The following CMIP variants were observed in gnomAD, a reference collection of about 807,000 sequenced individuals.
CMIP encodes C-Maf-inducing protein.
In CMIP, 13 loss-of-function variants were observed where a neutral mutation model predicts 97.3. That is an observed-to-expected ratio of 0.13 (90% CI 0.09 to 0.21). The LOEUF (loss-of-function observed/expected upper bound fraction) is 0.21, where lower values mean the gene tolerates loss of function less well. Among genes scored for constraint, CMIP ranks in the 10% least tolerant of loss-of-function variants. The pLI, the probability that CMIP is intolerant of heterozygous loss-of-function variation, is 1.00. For synonymous variants in CMIP, 538 were observed against 436.3 expected (o/e 1.23, Z -2.91); for missense variants, 847 against 1,024.9 (o/e 0.83, Z 2.37).
At chr16:81,692,006 C>G (rs995758286) in intron 11 of CMIP, among the ~76,000 whole-genome samples, 166 bp downstream of exon 11, 1 of 152,104 alleles carries the variant, frequency 6.6e-6, no homozygotes, top group Non-Finnish European at 1.5e-5. Context: ...CTGTGGGACC[C>G]CTGGGGAGGC....
chr16:81,624,439 A>G (rs2150964659), intron 3 of CMIP, among the ~76,000 whole-genome samples: 1 of 151,238 alleles, frequency 6.6e-6, no homozygotes, highest in East Asian at 2.0e-4. Context: ...GTTCTCCTGT[A>G]TGTAAAGAAT....
chr16:81,497,120 C>T (rs762539793), intron 1 of CMIP, among the ~76,000 whole-genome samples: 1 of 152,176 alleles, frequency 6.6e-6, no homozygotes, highest in Non-Finnish European at 1.5e-5. Flanking sequence ...GCTGGTGGTG[C>T]CCATGCAACA....
At chr16:81,466,051 T>G (rs1474907155) in intron 1 of CMIP, among the ~76,000 whole-genome samples, 1 of 152,170 alleles carries the variant, frequency 6.6e-6, no homozygotes, top group Non-Finnish European at 1.5e-5. Flanking sequence ...TTGTTTTTTT[T>G]TTACTTTTTA....
chr16:81,464,397 C>T (rs1907076309), intron 1 of CMIP: 1 of 152,168 alleles, frequency 6.6e-6, no homozygotes, highest in Admixed American at 6.5e-5. Flanking sequence ...GAGAGACTGC[C>T]CCAGTCGCTG....
intron 1 of CMIP, chr16:81,464,841 T>A (rs1241476880): frequency 1.3e-5 from 2 of 152,230 alleles, no homozygotes; most frequent in East Asian, 3.8e-4. Context: ...TTATGTCACT[T>A]AGTGTGAGGT....
intron 1 of CMIP, among the ~76,000 whole-genome samples, chr16:81,450,748 T>C (rs1906155873): frequency 6.6e-6 from 1 of 152,236 alleles, no homozygotes; most frequent in Admixed American, 6.5e-5. Context: ...GGGCGTAGTC[T>C]AGTTTCTTAA....
intron 1 of CMIP, among the ~76,000 whole-genome samples, chr16:81,526,553 T>TA (rs779519547): frequency 2.3e-4 from 35 of 152,376 alleles, no homozygotes; most frequent in Non-Finnish European, 3.7e-4. Context: ...GGGGATCTGT[T>TA]ACTCCATTGG....
intron 1 of CMIP, among the ~76,000 whole-genome samples, chr16:81,599,546 C>T (rs2091622424): frequency 1.3e-5 from 2 of 152,206 alleles, no homozygotes; most frequent in African/African-American, 4.8e-5. Context: ...CTGGTTCCAG[C>T]TGTGGCTTTG....
chr16:81,671,898 C>G, intron 8 of CMIP, 68 bp from the exon 9 acceptor site: 1 of 763,018 alleles, frequency 1.3e-6, no homozygotes, highest in South Asian at 1.7e-5. Flanking sequence ...CCCTCCCTTT[C>G]CCCCCTTACC....
rs138382107 is a variant in CMIP at position 81,710,611 on chromosome 16, CGTCTGTCT to C, written c.*822_*829del. 1.3e-5 allele frequency: 2 copies of C among 152,166 alleles called. No individual in the cohort carries two copies. Among genetic ancestry groups the C allele is most frequent in the African/African-American group, 4.8e-5 (2 of 41,378 alleles). The allele number at this position is 152,166 out of a possible 1,614,324, so 9.4% of individuals were successfully genotyped here. A position where few individuals can be genotyped will look rare whatever the true frequency, so the allele number is the denominator to read the frequency against. On this transcript the variant is annotated 3_prime_UTR_variant, in exon 21 of 21. Transcript: ENST00000537098. ...TGGATTCTCTATGCTAATGCTCTCT[CGTCTGTCT>C]GTCTGTCTGCCCACTCCCCCACCCA...
At chr16:81,448,618 G>C (rs1057027389) in intron 1 of CMIP, among the ~76,000 whole-genome samples, 1 of 152,226 alleles carries the variant, frequency 6.6e-6, no homozygotes, top group Non-Finnish European at 1.5e-5. Context: ...TGGTCTCCTG[G>C]GCCAGTTACT....
chr16:81,705,466 C>T (rs1252902934), intron 18 of CMIP, 33 bp from the exon 19 acceptor site: 23 of 1,477,048 alleles, frequency 1.6e-5, no homozygotes, highest in Middle Eastern at 1.7e-4. Context: ...CAGGAGTGGC[C>T]GGGAGAGGGC....
intron 3 of CMIP, among the ~76,000 whole-genome samples, chr16:81,624,129 G>GAAA (rs5818342): frequency 7.0e-6 from 1 of 143,690 alleles, no homozygotes; most frequent in Non-Finnish European, 1.5e-5. Context: ...GTCTTTAACT[G>GAAA]AAAAAAAAAA....
At chr16:81,618,907 G>A (rs973159947) in intron 2 of CMIP, 8 of 152,208 alleles carry the variant, frequency 5.3e-5, no homozygotes, top group African/African-American at 1.9e-4. Flanking sequence ...CCCCGAGCAG[G>A]GTGTATTTTG....
intron 1 of CMIP, among the ~76,000 whole-genome samples, chr16:81,573,331 T>C (rs1482373466): frequency 6.7e-6 from 1 of 150,274 alleles, no homozygotes; most frequent in Non-Finnish European, 1.5e-5. Flanking sequence ...ACAACAGAGC[T>C]AGACTCCATC....
intron 20 of CMIP, among the ~76,000 whole-genome samples, chr16:81,708,603 G>T (rs547085393): frequency 5.3e-5 from 8 of 152,336 alleles, no homozygotes; most frequent in Non-Finnish European, 7.4e-5. Context: ...GGGGACTCGA[G>T]CAAACAGCAG....
chr16:81,686,796 C>T (rs1905443341), intron 10 of CMIP, among the ~76,000 whole-genome samples: 1 of 152,040 alleles, frequency 6.6e-6, no homozygotes, highest in African/African-American at 2.4e-5. Flanking sequence ...AAAACATCTC[C>T]TCCCGTTTCT....
chr16:81,658,189 C>T (rs2092506725), intron 5 of CMIP, among the ~76,000 whole-genome samples: 1 of 152,228 alleles, frequency 6.6e-6, no homozygotes, highest in South Asian at 2.1e-4. Context: ...GGACATGTCT[C>T]CCAATTAATC....
intron 1 of CMIP, among the ~76,000 whole-genome samples, chr16:81,594,791 T>C (rs1394329630): frequency 1.3e-5 from 2 of 149,060 alleles, no homozygotes; most frequent in Non-Finnish European, 3.0e-5. Context: ...TTTTTTTTTT[T>C]TTTTTTTTTT....
Sources: allele counts gnomAD v4.1 joint callset (sites outside exome capture counted in the v4.1 genomes callset), GRCh38; gene constraint gnomAD v4.1.1; transcripts MANE v1.5; gene names NCBI Gene and HGNC (gene_info 2026-07-23, HGNC 2026-07-21).